Variants in PIK3C2A observed in about 807,000 individuals in gnomAD.
PIK3C2A encodes the protein phosphatidylinositol-4-phosphate 3-kinase catalytic subunit type 2 alpha.
Under a neutral mutation model 204.5 loss-of-function variants are expected in PIK3C2A, and 97 were observed. The observed-to-expected ratio is 0.47, with a 90% confidence interval of 0.40 to 0.56. The LOEUF (loss-of-function observed/expected upper bound fraction) is 0.56. PIK3C2A is among the 20% of genes least tolerant of loss of function. PIK3C2A has a pLI of 0.00. For missense variants in PIK3C2A, 1,735 were observed against 1,969.2 expected, an observed-to-expected ratio of 0.88 and a Z score of 2.25; for synonymous variants, 653 against 664.4, an observed-to-expected ratio of 0.98 and a Z score of 0.26.
rs1848183190 is a variant in PIK3C2A at position 17,087,225 on chromosome 11, A to G, written c.*2513T>C. 1 of 152,302 alleles carries G rather than the reference A, an allele frequency of 6.6e-6. No homozygotes were observed. The highest frequency in any genetic ancestry group is 1.9e-4 in the East Asian group (1 of 5,188). The allele number at this position is 152,302 out of a possible 1,614,324, so 9.4% of individuals were successfully genotyped here. ...ATTAGTGTCTTGGCCAGTTTGTTAA[A>G]CTTTTTTTAGATTTACTTTAATGTC... On this transcript the variant is annotated 3_prime_UTR_variant, in exon 33 of 33. Transcript: ENST00000691414.
chr11:17,094,219 G>C, intron 28 of PIK3C2A, 42 bp downstream of exon 28: 1 of 1,488,070 alleles, frequency 6.7e-7, no homozygotes, highest in East Asian at 2.3e-5. Flanking sequence ...ATAACAAGTT[G>C]TTTCCTACAA....
At chr11:17,163,749 T>C (rs143842415) in intron 2 of PIK3C2A, among the ~76,000 whole-genome samples, 1 of 152,200 alleles carries the variant, frequency 6.6e-6, no homozygotes, top group East Asian at 1.9e-4. Flanking sequence ...CTAGCACAGA[T>C]TGTCATCTAA....
rs761347645 is a variant in PIK3C2A at position 17,117,475 on chromosome 11, T to C, written c.3216+16A>G. 3 of 1,570,000 alleles carry C rather than the reference T, an allele frequency of 1.9e-6. No homozygotes were observed. The Admixed American group carries it at 5.2e-5, about 27-fold the overall frequency. On this transcript the variant is annotated intron_variant, in intron 19 of 32. Coordinates refer to ENST00000691414, the MANE Select transcript of PIK3C2A (RefSeq NM_002645.4). ...TTAACATTAACACATTTATATTACC[T>C]TTTATGGGTACATACCTGTCTGGCT...
Position 17,122,294 on chromosome 11 carries a change from T to A in PIK3C2A, c.2551A>T (p.Thr851Ser). 6.5e-7 allele frequency: 1 copy of A among 1,537,558 alleles called. No homozygotes were observed. Among genetic ancestry groups the A allele is most frequent in the African/African-American group, 1.4e-5 (1 of 73,448 alleles). Residue 851 changes from threonine to serine, a missense_variant, in exon 15 of 33, where the codon ACT becomes TCT. This residue lies in a region of PIK3C2A where 567 missense variants were observed against 576.0 expected (regional missense o/e 0.98). Coordinates refer to ENST00000691414, the MANE Select transcript of PIK3C2A (RefSeq NM_002645.4). ...ATAATGCTTCTGTCAACTTGAGGAGTTGTATAAATAATATCAAATGCAGGA... is the reference window on the plus strand; with the variant it reads ...ATAATGCTTCTGTCAACTTGAGGAGATGTATAAATAATATCAAATGCAGGA... Reference protein sequence around the residue: ...PSPAFDIIYTTPQVDRSIIQQ... With the variant: ...PSPAFDIIYTSPQVDRSIIQQ...
At chr11:17,102,124 A>C (rs575953630) in intron 24 of PIK3C2A, among the ~76,000 whole-genome samples, 163 of 151,924 alleles carry the variant, frequency 1.1e-3, no homozygotes, top group African/African-American at 3.7e-3. Context: ...TAAAAAAAAT[A>C]TATGTCCCTT....
chr11:17,098,497 A>G lies in PIK3C2A; in HGVS notation c.4119-1233T>C, dbSNP rs375530872. 4.6e-5 allele frequency among the ~76,000 whole-genome samples: 7 copies of G among 152,366 alleles called. No individual in the cohort carries two copies. In the East Asian group the frequency reaches 5.8e-4, roughly 13 times the overall value. The stretch of plus-strand genomic sequence containing the variant: ...AGACTCCAGAACTGTGAGAAAATAA[A>G]TATCTGTTGTTTAAGCCACTAGTCT... On this transcript the variant is annotated intron_variant, in intron 26 of 32. Transcript: ENST00000691414.
chr11:17,103,909 T>C (rs1848721682), intron 23 of PIK3C2A, among the ~76,000 whole-genome samples: 1 of 152,208 alleles, frequency 6.6e-6, no homozygotes. Flanking sequence ...GGGCCAACAT[T>C]ACTAAAACAA....
Position 17,169,134 on chromosome 11 carries a change from G to T in PIK3C2A, c.608C>A (p.Ala203Asp). ...SPYFSYPLTP[A>D]TPFHPQGSLP... ...GCTTCCTTGTGGATGAAAGGGTGTGGCAGGTGTCAAAGGATATGAGAAATA... is the reference window on the plus strand; with the variant it reads ...GCTTCCTTGTGGATGAAAGGGTGTGTCAGGTGTCAAAGGATATGAGAAATA... Residue 203 changes from alanine (A) to aspartate (D), a missense_variant, in exon 2 of 33, where the codon GCC (alanine) becomes GAC (aspartate). Transcript: ENST00000691414. The T allele has an allele frequency of 6.2e-7, 1 of 1,614,158 alleles. No individual in the cohort carries two copies. The highest frequency in any genetic ancestry group is 1.1e-5 in the South Asian group (1 of 91,088).
intron 2 of PIK3C2A, among the ~76,000 whole-genome samples, chr11:17,165,984 T>G (rs1850935106): frequency 6.6e-6 from 1 of 152,098 alleles, no homozygotes; most frequent in Non-Finnish European, 1.5e-5. Flanking sequence ...ATTATCAACA[T>G]ATAGCCAATC....
chr11:17,156,418 A>G (rs1183999975), intron 2 of PIK3C2A, among the ~76,000 whole-genome samples: 3 of 152,200 alleles, frequency 2.0e-5, no homozygotes, highest in Non-Finnish European at 4.4e-5. Context: ...ACAAGGACTC[A>G]TTCTGTCACC....
At chr11:17,195,779 C>CCTG (rs1852132398) in intron 1 of PIK3C2A, among the ~76,000 whole-genome samples, 1 of 149,492 alleles carries the variant, frequency 6.7e-6, no homozygotes. Flanking sequence ...CTGGCTCACG[C>CCTG]CTGTAATCCC....
chr11:17,110,593 A>G lies in PIK3C2A; in HGVS notation c.3415-32T>C, dbSNP rs778934136. ...ATCAAGGAAACAAAATGAAACTTGT[A>G]CATCTCCAAAAGACTTAACAGATTA... On this transcript the variant is annotated intron_variant, in intron 21 of 32. Coordinates refer to ENST00000691414, the MANE Select transcript of PIK3C2A (RefSeq NM_002645.4). 1.2e-5 allele frequency: 19 copies of G among 1,592,692 alleles called. No individual in the cohort carries two copies. In the African/African-American group the frequency reaches 1.5e-4, roughly 12 times the overall value.
intron 9 of PIK3C2A, among the ~76,000 whole-genome samples, chr11:17,135,549 A>G (rs1849841646): frequency 6.6e-6 from 1 of 152,162 alleles, no homozygotes; most frequent in Non-Finnish European, 1.5e-5. Flanking sequence ...AAAAGTGCTT[A>G]TAATTATCTA....
At chr11:17,174,030 T>G (rs1207564670) in intron 1 of PIK3C2A, among the ~76,000 whole-genome samples, 1 of 151,992 alleles carries the variant, frequency 6.6e-6, no homozygotes, top group Non-Finnish European at 1.5e-5. Flanking sequence ...TTTGCCATGT[T>G]GGCCAGGCTG....
At chr11:17,190,648 T>C (rs1053773570) in intron 1 of PIK3C2A, among the ~76,000 whole-genome samples, 1 of 151,342 alleles carries the variant, frequency 6.6e-6, no homozygotes, top group African/African-American at 2.4e-5. Flanking sequence ...TATGAAGTGA[T>C]GGGACATTTC....
chr11:17,204,036 T>C lies in PIK3C2A; in HGVS notation c.-66+3812A>G, dbSNP rs1852476114. On this transcript the variant is annotated intron_variant, in intron 1 of 32. Coordinates refer to ENST00000691414, the MANE Select transcript of PIK3C2A (RefSeq NM_002645.4). ...TTGCAGTGAGCGGAGATCACGCCACTGCACTCCAGCCTTGGCGACAGAGCG... is the reference window on the plus strand; with the variant it reads ...TTGCAGTGAGCGGAGATCACGCCACCGCACTCCAGCCTTGGCGACAGAGCG... 4.6e-5 allele frequency among the ~76,000 whole-genome samples: 7 copies of C among 150,904 alleles called. No individual in the cohort carries two copies. The South Asian group carries it at 1.2e-3, about 27-fold the overall frequency.
At chr11:17,093,486 C>A (rs992296133) in intron 28 of PIK3C2A, among the ~76,000 whole-genome samples, 29 of 152,064 alleles carry the variant, frequency 1.9e-4, no homozygotes, top group African/African-American at 7.0e-4. Flanking sequence ...GGATGGTCTC[C>A]ATCTCCTGAC....
At chr11:17,104,976 A>G (rs1407982834) in intron 23 of PIK3C2A, among the ~76,000 whole-genome samples, 193 bp downstream of exon 23, 1 of 152,008 alleles carries the variant, frequency 6.6e-6, no homozygotes, top group African/African-American at 2.4e-5. Context: ...GTAATTTAGC[A>G]TTGGTTTCAC....
chr11:17,125,715 C>T (rs142124998), intron 13 of PIK3C2A, among the ~76,000 whole-genome samples: 56 of 152,204 alleles, frequency 3.7e-4, no homozygotes, highest in African/African-American at 1.3e-3. Flanking sequence ...GACAGGGTTT[C>T]GCCATATTGG....
Sources: allele counts gnomAD v4.1 joint callset (sites outside exome capture counted in the v4.1 genomes callset), GRCh38; gene constraint gnomAD v4.1.1; regional missense constraint gnomAD v4.1.1; transcripts MANE v1.5; gene names NCBI Gene and HGNC (gene_info 2026-07-23, HGNC 2026-07-21).